Variants in MUC12 observed in about 807,000 individuals in gnomAD.
MUC12 encodes the protein mucin-12.
In MUC12, 172 loss-of-function variants were observed where a neutral mutation model predicts 230.8. The observed-to-expected ratio is 0.75, with a 90% CI of 0.66 to 0.85. The LOEUF (loss-of-function observed/expected upper bound fraction) is 0.85, where lower values mean the gene tolerates loss of function less well. Among genes scored for constraint, MUC12 ranks in the 40% least tolerant of loss-of-function variants. The pLI is 0.00. For missense variants in MUC12, 3,506 were observed against 5,920.6 expected (o/e 0.59, Z 13.38); for synonymous variants, 1,259 against 2,401.9 (o/e 0.52, Z 13.91).
chr7:100,990,611 T>C lies in MUC12; in HGVS notation c.68-20T>C, dbSNP rs200518818. ...CAGTCATAAATCATAGCACTTTCTC[T>C]GGTTTCTCTCAAATCACAGGCTCAA... On this transcript the variant is annotated intron_variant, in intron 1 of 11. Coordinates refer to ENST00000536621, the MANE Select transcript of MUC12 (RefSeq NM_001164462.2). 3 of 1,537,128 alleles carry C rather than the reference T, an allele frequency of 2.0e-6. No individual in the cohort carries two copies. Among genetic ancestry groups the C allele is most frequent in the African/African-American group, 2.7e-5 (2 of 73,054 alleles).
In MUC12 at chr7:101,015,789, C is replaced by A. The variant is rs547059686; in HGVS notation, c.15877+98C>A. The A allele has an allele frequency of 9.6e-5, 106 of 1,103,732 alleles. 1 individual carries two copies. In the Admixed American group the frequency reaches 1.0e-3, roughly 11 times the overall value. 68.4% of individuals were successfully genotyped at this position (1,103,732 alleles called of 1,614,324 possible). A position where few individuals can be genotyped will look rare whatever the true frequency, so the allele number is the denominator to read the frequency against. The stretch of plus-strand genomic sequence containing the variant: ...TGGGGGTGACGTGGGGTCCAGCCCC[C>A]CTTTGGGGTGGCTGTGACTGACAGC... On this transcript the variant is annotated intron_variant, in intron 10 of 11. Transcript: ENST00000536621.
intron 5 of MUC12, 135 bp downstream of exon 5, chr7:101,009,294 C>T (rs1793806931): frequency 1.2e-6 from 1 of 866,964 alleles, no homozygotes; most frequent in Non-Finnish European, 1.8e-6. Flanking sequence ...CTAGGGAACA[C>T]TGGGGGCTGT....
intron 1 of MUC12, among the ~76,000 whole-genome samples, chr7:100,980,831 T>C (rs991713069): frequency 6.6e-6 from 1 of 151,948 alleles, no homozygotes; most frequent in Non-Finnish European, 1.5e-5. Context: ...GGTGGGAGGA[T>C]CACTTGAGCC....
Position 100,992,669 on chromosome 7 carries a change from T to A in MUC12, c.2106T>A (p.Pro702=). The A allele has an allele frequency of 1.3e-6, 2 of 1,536,486 alleles. No homozygotes were observed. The highest frequency in any genetic ancestry group is 8.7e-7 in the Non-Finnish European group (1 of 1,146,902). ...GCTCAACTCAAACAATGCACTTCCCTGAAAGCGACACAACTTCAGGCCGTG... is the reference window on the plus strand; with the variant it reads ...GCTCAACTCAAACAATGCACTTCCCAGAAAGCGACACAACTTCAGGCCGTG... ...SPGSTQTMHF[P]ESDTTSGRGE... The change falls in exon 2 of 12, where the codon CCT becomes CCA. Residue 702 remains proline, a synonymous_variant. Transcript: ENST00000536621.
At chr7:100,972,131 T>A in intron 1 of MUC12, 1 of 703,522 alleles carries the variant, frequency 1.4e-6, no homozygotes, top group Non-Finnish European at 2.6e-6. Context: ...GCTCTGCTGT[T>A]CACAAAGCCA....
intron 3 of MUC12, 146 bp from the exon 4 acceptor site, chr7:101,008,488 G>T: frequency 2.6e-6 from 3 of 1,143,788 alleles, no homozygotes; most frequent in Middle Eastern, 2.1e-4. Flanking sequence ...TGGCTCCTCA[G>T]GGTTTTGGGA....
rs562262713 is a variant in MUC12, at chr7:101,018,863, G to A, written c.*227G>A. On this transcript the variant is annotated 3_prime_UTR_variant, in exon 12 of 12. Transcript: ENST00000536621. ...GAGCTTCCAGACTCCCAGAAGCCTCGGCACCCCTGTCTCCTCCTGGGTGGC... is the reference window on the plus strand; with the variant it reads ...GAGCTTCCAGACTCCCAGAAGCCTCAGCACCCCTGTCTCCTCCTGGGTGGC... 511 of 477,256 alleles carry A rather than the reference G, an allele frequency of 1.1e-3. 7 individuals carry two copies. The East Asian group carries it at 0.017, about 16-fold the overall frequency. 29.6% of individuals were successfully genotyped at this position (477,256 alleles called of 1,614,324 possible).
At chr7:101,014,122 C>A in intron 9 of MUC12, 48 bp downstream of exon 9, 1 of 1,471,062 alleles carries the variant, frequency 6.8e-7, no homozygotes, top group Non-Finnish European at 9.0e-7. Flanking sequence ...GGGGACAGAT[C>A]CTGGGGTGGC....
In MUC12 at chr7:100,992,568, C is replaced by A. The variant is rs184421488; in HGVS notation, c.2005C>A (p.Pro669Thr). 27 of 1,537,966 alleles carry A rather than the reference C, an allele frequency of 1.8e-5. No homozygotes were observed. In the African/African-American group the frequency reaches 2.7e-4, roughly 16 times the overall value. The change falls in exon 2 of 12, where the codon CCA becomes ACA. Residue 669 changes from proline (P) to threonine (T), a missense_variant. By Grantham distance (38) the Pro-to-Thr change is conservative. Coordinates refer to ENST00000536621, the MANE Select transcript of MUC12 (RefSeq NM_001164462.2). ...TTSHGSPSSI[P>T]TTHISARSTT... The stretch of plus-strand genomic sequence containing the variant: ...CTCCCACGGCAGCCCGAGCTCAATT[C>A]CAACAACCCACATTTCTGCCCGCTC...
chr7:100,988,573 T>A (rs964568066), intron 1 of MUC12, among the ~76,000 whole-genome samples: 3 of 152,158 alleles, frequency 2.0e-5, no homozygotes, highest in Non-Finnish European at 2.9e-5. Flanking sequence ...GGTGGCTAGC[T>A]CTTGTGTATG....
intron 1 of MUC12, among the ~76,000 whole-genome samples, chr7:100,982,744 C>G (rs894081334): frequency 6.7e-6 from 1 of 149,810 alleles, no homozygotes; most frequent in African/African-American, 2.5e-5. Flanking sequence ...GTTTTGTTTT[C>G]TTTGAGATAG....
At chr7:101,007,897 A>T (rs906973849) in intron 3 of MUC12, among the ~76,000 whole-genome samples, 2 of 150,630 alleles carry the variant, frequency 1.3e-5, no homozygotes, top group African/African-American at 4.9e-5. Flanking sequence ...TCCCAGGTTC[A>T]TGCCATTCTC....
At chr7:100,969,834 A>G in intron 1 of MUC12, 145 bp downstream of exon 1, 1 of 1,207,318 alleles carries the variant, frequency 8.3e-7, no homozygotes. Context: ...CCGTGCTGTG[A>G]CCTCATCTTG....
In MUC12 at chr7:100,993,892, C is replaced by G; in HGVS notation, c.3329C>G (p.Ser1110Ter). The change falls in exon 2 of 12, where the codon TCA becomes TGA. Residue 1110 changes from serine (S) to a stop codon, truncating the protein, a stop_gained. Transcript: ENST00000536621. LOFTEE classifies it high-confidence loss of function. Reference protein sequence around the residue: ...ASTTFYSSPRSPTTTLSPASM... With the variant: ...ASTTFYSSPR The stretch of plus-strand genomic sequence containing the variant: ...ACCACCTTCTACAGCAGCCCCAGAT[C>G]ACCAACCACAACACTCTCACCTGCC... The G allele has an allele frequency of 1.3e-6, 2 of 1,491,942 alleles. No homozygotes were observed. The highest frequency in any genetic ancestry group is 1.8e-6 in the Non-Finnish European group (2 of 1,125,136). The allele number at this position is 1,491,942 out of a possible 1,614,324, so 92.4% of individuals were successfully genotyped here.
intron 1 of MUC12, among the ~76,000 whole-genome samples, chr7:100,974,825 A>AAATAATAATAATAAT (rs144350754): frequency 4.6e-5 from 7 of 151,588 alleles, no homozygotes; most frequent in South Asian, 4.2e-4. Context: ...ACCTTGTCTC[A>AAATAATAATAATAAT]AATAATAATA....
rs201218466 is a variant in MUC12, at chr7:100,994,108, A to G, written c.3545A>G (p.His1182Arg). Residue 1182 changes from histidine to arginine, a missense_variant, in exon 2 of 12, where the codon CAT (histidine) becomes CGT (arginine). By Grantham distance (29) the His-to-Arg change is conservative. Transcript: ENST00000536621. ...CCTCACAGCACCACAACCTCAGTTC[A>G]TGGTGAAGAGCCTACAACCTTCCAC... ...VFPHSTTTSV[H>R]GEEPTTFHSR... The G allele has an allele frequency of 5.5e-4, 567 of 1,027,272 alleles. 214 individuals carry two copies. In the East Asian group the frequency reaches 7.6e-3, roughly 14 times the overall value. 63.6% of individuals were successfully genotyped at this position (1,027,272 alleles called of 1,614,324 possible).
intron 1 of MUC12, among the ~76,000 whole-genome samples, chr7:100,983,606 C>T (rs905067685): frequency 4.3e-4 from 65 of 152,092 alleles, no homozygotes; most frequent in African/African-American, 1.4e-3. Flanking sequence ...TCTACCCTCA[C>T]GGAGTTCACA....
At chr7:101,007,016 T>C (rs1469699310) in intron 3 of MUC12, among the ~76,000 whole-genome samples, 2 of 152,214 alleles carry the variant, frequency 1.3e-5, no homozygotes, top group African/African-American at 4.8e-5. Context: ...TGGAGTGTGA[T>C]GGCACGATCT....
At position 100,990,860 on chromosome 7, in the gene MUC12, C is replaced by A; in HGVS notation, c.297C>A (p.His99Gln). 1 of 1,537,866 alleles carries A rather than the reference C, an allele frequency of 6.5e-7. No individual in the cohort carries two copies. The highest frequency in any genetic ancestry group is 8.7e-7 in the Non-Finnish European group (1 of 1,147,042). The stretch of plus-strand genomic sequence containing the variant: ...CTGGAACAACACTCTTCCCTTCCCA[C>A]TCTGCAACCTCAGTTTTTGTTGGAG... The part of the protein sequence containing the change: ...GATGTTLFPS[H>Q]SATSVFVGEP... The change falls in exon 2 of 12, where the codon CAC becomes CAA. Residue 99 changes from histidine (H) to glutamine (Q), a missense_variant. Coordinates refer to ENST00000536621, the MANE Select transcript of MUC12 (RefSeq NM_001164462.2).
Sources: gnomAD v4.1 joint callset for allele counts (sites outside exome capture counted in the v4.1 genomes callset) on GRCh38, gnomAD v4.1.1 for gene constraint, MANE v1.5 for transcripts, NCBI Gene and HGNC (gene_info 2026-07-23, HGNC 2026-07-21) for gene names.